LRRC49: variants seen among roughly 807,000 people sequenced by gnomAD.
LRRC49 encodes leucine rich repeat containing 49.
In LRRC49, 50 loss-of-function variants were observed where a neutral mutation model predicts 83.3. That is an observed-to-expected ratio of 0.60 (90% confidence interval 0.48 to 0.76). LRRC49 has a LOEUF of 0.76. Among genes scored for constraint, LRRC49 ranks in the 30% least tolerant of loss-of-function variants. The pLI is 0.00. For missense variants in LRRC49, 704 were observed against 809.1 expected, an observed-to-expected ratio of 0.87 and a Z score of 1.58; for synonymous variants, 286 against 283.3, an observed-to-expected ratio of 1.01 and a Z score of -0.10.
intron 10 of LRRC49, among the ~76,000 whole-genome samples, chr15:70,983,876 T>C (rs2037493873): frequency 6.6e-6 from 1 of 151,920 alleles, no homozygotes; most frequent in African/African-American, 2.4e-5. Context: ...TGTTTGCATT[T>C]TTTTCCTTTA....
chr15:70,937,527 C>T (rs2035642978), intron 8 of LRRC49, among the ~76,000 whole-genome samples: 1 of 152,080 alleles, frequency 6.6e-6, no homozygotes, highest in African/African-American at 2.4e-5. Context: ...TTTAGTTTCA[C>T]TTCAAAGCTG....
intron 9 of LRRC49, among the ~76,000 whole-genome samples, chr15:70,979,095 T>C (rs1281173080): frequency 1.3e-5 from 2 of 152,136 alleles, no homozygotes; most frequent in Admixed American, 1.3e-4. Flanking sequence ...CTTTTGGTAA[T>C]GAAAATTAAA....
chr15:70,949,785 AATTTTAT>A (rs1208855354), intron 8 of LRRC49, among the ~76,000 whole-genome samples: 2 of 152,074 alleles, frequency 1.3e-5, no homozygotes, highest in African/African-American at 4.8e-5. Context: ...AACTTTGTGA[AATTTTAT>A]ATTTTATATT....
At chr15:70,870,957 T>TTGTTTTTG (rs2033017388) in intron 1 of LRRC49, among the ~76,000 whole-genome samples, 3 of 150,120 alleles carry the variant, frequency 2.0e-5, no homozygotes, top group African/African-American at 2.5e-5. Context: ...TTTTTTTTTT[T>TTGTTTTTG]TTTTTTTTAG....
At chr15:70,901,566 A>G (rs1456441787) in intron 4 of LRRC49, among the ~76,000 whole-genome samples, 3 of 152,184 alleles carry the variant, frequency 2.0e-5, no homozygotes. Flanking sequence ...TCATCATTTC[A>G]GGGATGATTT....
At chr15:70,980,224 TA>T in intron 10 of LRRC49, 40 bp downstream of exon 10, 3 of 1,407,818 alleles carry the variant, frequency 2.1e-6, no homozygotes, top group Non-Finnish European at 3.0e-6. Context: ...TGTGCACACG[TA>T]GACACACATA....
intron 14 of LRRC49, among the ~76,000 whole-genome samples, chr15:71,024,160 C>T (rs1272751426): frequency 6.6e-6 from 1 of 152,234 alleles, no homozygotes; most frequent in African/African-American, 2.4e-5. Flanking sequence ...ACAGATCAGC[C>T]GATTTAGTCT....
chr15:70,924,263 C>T (rs893912493), intron 7 of LRRC49, among the ~76,000 whole-genome samples: 1 of 151,824 alleles, frequency 6.6e-6, no homozygotes, highest in African/African-American at 2.4e-5. Flanking sequence ...AACATATAAT[C>T]TGAGAATCTG....
At chr15:70,861,110 T>TA (rs2032778444) in intron 1 of LRRC49, among the ~76,000 whole-genome samples, 2 of 152,224 alleles carry the variant, frequency 1.3e-5, no homozygotes, top group South Asian at 4.1e-4. Flanking sequence ...TAATAGACTG[T>TA]ATTTTGATAT....
At chr15:70,882,882 T>G (rs774544675) in intron 2 of LRRC49, 1 of 1,614,034 alleles carries the variant, frequency 6.2e-7, no homozygotes, top group Non-Finnish European at 8.5e-7. Context: ...GGGGTTGGGT[T>G]TGCACAAGTT....
intron 9 of LRRC49, among the ~76,000 whole-genome samples, chr15:70,969,763 C>G (rs971298968): frequency 1.3e-5 from 2 of 152,086 alleles, no homozygotes; most frequent in African/African-American, 4.8e-5. Context: ...GGAGTTTGCT[C>G]ATGATTTGGC....
chr15:70,898,695 A>C (rs2033941829), intron 3 of LRRC49, among the ~76,000 whole-genome samples: 1 of 152,130 alleles, frequency 6.6e-6, no homozygotes, highest in Non-Finnish European at 1.5e-5. Context: ...AGGTAGGAGG[A>C]TCACTTGAGC....
At chr15:70,905,929 A>G (rs1316453304) in intron 5 of LRRC49, among the ~76,000 whole-genome samples, 1 of 152,122 alleles carries the variant, frequency 6.6e-6, no homozygotes, top group Non-Finnish European at 1.5e-5. Context: ...AATAGATCAG[A>G]GAATTCTTTT....
chr15:71,007,643 A>C (rs1475927171), intron 11 of LRRC49, among the ~76,000 whole-genome samples: 1 of 150,678 alleles, frequency 6.6e-6, no homozygotes, highest in Non-Finnish European at 1.5e-5. Flanking sequence ...AGATAGCCTT[A>C]TATAAAAAAT....
chr15:71,044,407 C>T (rs1342825505), intron 15 of LRRC49, among the ~76,000 whole-genome samples: 1 of 152,122 alleles, frequency 6.6e-6, no homozygotes, highest in Non-Finnish European at 1.5e-5. Context: ...TAAAATATGC[C>T]TCTGTTAAGG....
chr15:70,932,726 C>CTT lies in LRRC49; in HGVS notation c.712-4015_712-4014dup, dbSNP rs5813614. On this transcript the variant is annotated intron_variant, in intron 7 of 15. Transcript: ENST00000260382. ...TTTCTTTTCTTTTTTCTTTCTCTGT[C>CTT]TTTTTTTTTTTTTTTTTTTTTGAGA... 3.6e-3 allele frequency among the ~76,000 whole-genome samples: 351 copies of CTT among 97,170 alleles called. 5 individuals are homozygous for CTT. Among genetic ancestry groups the CTT allele is most frequent in the African/African-American group, 8.6e-3 (235 of 27,322 alleles). The allele number at this position is 97,170 out of a possible 152,430, so 63.7% of individuals were successfully genotyped here. A position where few individuals can be genotyped will look rare whatever the true frequency, so the allele number is the denominator to read the frequency against.
At chr15:70,981,497 A>T (rs1331565201) in intron 10 of LRRC49, among the ~76,000 whole-genome samples, 9 of 144,630 alleles carry the variant, frequency 6.2e-5, no homozygotes, top group Non-Finnish European at 1.1e-4. Flanking sequence ...AGTATAATTT[A>T]AAAAAAAAAA....
chr15:70,966,638 T>C (rs2036805546), intron 9 of LRRC49, among the ~76,000 whole-genome samples: 1 of 152,144 alleles, frequency 6.6e-6, no homozygotes, highest in Non-Finnish European at 1.5e-5. Context: ...TATATTATTT[T>C]TTAATTGCTA....
chr15:70,940,637 CACTT>C (rs2035780631), intron 8 of LRRC49, among the ~76,000 whole-genome samples: 1 of 152,160 alleles, frequency 6.6e-6, no homozygotes, highest in Non-Finnish European at 1.5e-5. Context: ...TTGCAAGTGT[CACTT>C]ACATTATTTT....
Sources: gnomAD v4.1 joint callset for allele counts (sites outside exome capture counted in the v4.1 genomes callset) on GRCh38, gnomAD v4.1.1 for gene constraint, MANE v1.5 for transcripts, NCBI Gene and HGNC (gene_info 2026-07-23, HGNC 2026-07-21) for gene names.